The following RMST variants were observed in gnomAD, a reference collection of about 807,000 sequenced individuals.
RMST encodes the protein long intergenic non-protein coding RNA 54.
intron 13 of RMST, among the ~76,000 whole-genome samples, chr12:97,562,348 T>C (rs1339785297): frequency 4.6e-5 from 7 of 152,200 alleles, no homozygotes; most frequent in Non-Finnish European, 1.0e-4. Context: ...AGGGAAAGTG[T>C]TGAGCTGGCT....
At chr12:97,549,510 G>T (rs1353731575) in intron 11 of RMST, among the ~76,000 whole-genome samples, 9 of 152,182 alleles carry the variant, frequency 5.9e-5, no homozygotes, top group Admixed American at 5.9e-4. Flanking sequence ...GAAAGATGAG[G>T]ATTAAAGGAC....
intron 11 of RMST, among the ~76,000 whole-genome samples, chr12:97,559,775 G>C (rs12321875): frequency 0.1 from 15,269 of 152,126 alleles, 1,647 homozygotes; most frequent in African/African-American, 0.27. Context: ...GAAGTGTGGG[G>C]ATGACTGATT....
rs142666102 is a variant in RMST, at chr12:97,537,785, A to G, written n.1545+6926A>G. On this transcript the variant is annotated intron_variant and non_coding_transcript_variant, in intron 11 of 13. Transcript: ENST00000640149. ...ATGATATTCAGACAGAAATGTCTATATTACATATGATTTCTAAATTTAATT... is the reference window on the plus strand; with the variant it reads ...ATGATATTCAGACAGAAATGTCTATGTTACATATGATTTCTAAATTTAATT... Among the ~76,000 whole-genome samples, 209 of 151,628 alleles carry G rather than the reference A, an allele frequency of 1.4e-3. 3 individuals are homozygous for G. The East Asian group carries it at 0.035, about 26-fold the overall frequency.
At chr12:97,475,590 T>G (rs1023314803) in intron 5 of RMST, among the ~76,000 whole-genome samples, 1 of 148,870 alleles carries the variant, frequency 6.7e-6, no homozygotes, top group Non-Finnish European at 1.5e-5. Flanking sequence ...TTTTTTTGTT[T>G]TTTTTTTTTA....
intron 13 of RMST, among the ~76,000 whole-genome samples, chr12:97,561,403 T>A (rs1884092083): frequency 2.0e-5 from 3 of 152,130 alleles, no homozygotes; most frequent in Non-Finnish European, 2.9e-5. Context: ...TTGGGAGAAT[T>A]AGCCAACCAT....
chr12:97,505,426 T>TGCTTGG lies in RMST; in HGVS notation n.1340+9371_1340+9376dup, dbSNP rs559544005. Among the ~76,000 whole-genome samples the TGCTTGG allele has an allele frequency of 8.0e-4, 122 of 152,328 alleles. No homozygotes were observed. The East Asian group carries it at 0.021, about 27-fold the overall frequency. On this transcript the variant is annotated intron_variant and non_coding_transcript_variant, in intron 10 of 13. Transcript: ENST00000640149. ...TCTTGCATGGTAGCACACTAGCAGA[T>TGCTTGG]GCTTGGTTCTGACAACAAAGACTGA...
chr12:97,513,950 C>T (rs1378218246), intron 10 of RMST, among the ~76,000 whole-genome samples: 2 of 152,170 alleles, frequency 1.3e-5, no homozygotes, highest in South Asian at 2.1e-4. Flanking sequence ...TTACTTTGTT[C>T]CACTGTAGGA....
At chr12:97,519,643 G>T (rs1880308615) in intron 10 of RMST, among the ~76,000 whole-genome samples, 1 of 152,134 alleles carries the variant, frequency 6.6e-6, no homozygotes, top group South Asian at 2.1e-4. Context: ...TTTCTTAAAA[G>T]AAAATTGTTT....
At chr12:97,500,532 C>T (rs1877970693) in intron 10 of RMST, among the ~76,000 whole-genome samples, 1 of 152,182 alleles carries the variant, frequency 6.6e-6, no homozygotes, top group Non-Finnish European at 1.5e-5. Context: ...CAGATTTTAT[C>T]CAAGTTATTT....
chr12:97,485,624 A>T (rs1019304084), intron 5 of RMST, among the ~76,000 whole-genome samples: 8 of 152,178 alleles, frequency 5.3e-5, no homozygotes, highest in African/African-American at 1.9e-4. Context: ...TGTCACATAC[A>T]TTATTTTATT....
At chr12:97,522,262 A>C (rs988525972) in intron 10 of RMST, among the ~76,000 whole-genome samples, 1 of 152,220 alleles carries the variant, frequency 6.6e-6, no homozygotes, top group African/African-American at 2.4e-5. Context: ...CCTTGTATTC[A>C]TCAATTCTGA....
intron 11 of RMST, chr12:97,552,178 A>T (rs1343362345): frequency 6.6e-6 from 1 of 152,294 alleles, no homozygotes; most frequent in South Asian, 2.1e-4. Flanking sequence ...TAATGATACT[A>T]ATGACTGAAG....
At chr12:97,463,245 C>T (rs1277034560) in exon 4 of RMST, 1 of 152,202 alleles carries the variant, frequency 6.6e-6, no homozygotes, top group Non-Finnish European at 1.5e-5. Flanking sequence ...GAGGGGGCAC[C>T]GGAGGTGACA....
At chr12:97,512,236 C>G (rs1429305282) in intron 10 of RMST, among the ~76,000 whole-genome samples, 1 of 152,158 alleles carries the variant, frequency 6.6e-6, no homozygotes, top group African/African-American at 2.4e-5. Flanking sequence ...GTTCATGGTC[C>G]CGCTGGCTTC....
chr12:97,559,969 A>G (rs1013429336), intron 11 of RMST, among the ~76,000 whole-genome samples: 1 of 152,290 alleles, frequency 6.6e-6, no homozygotes, highest in South Asian at 2.1e-4. Context: ...AATCCTTTTT[A>G]TCTTAACTTT....
In RMST at chr12:97,521,460, C is replaced by T. The variant is rs115512619; in HGVS notation, n.1341-9195C>T. Among the ~76,000 whole-genome samples the T allele has an allele frequency of 9.0e-3, 1,363 of 152,126 alleles. 25 individuals carry two copies. Among genetic ancestry groups the T allele is most frequent in the African/African-American group, 0.031 (1,304 of 41,492 alleles). On this transcript the variant is annotated intron_variant and non_coding_transcript_variant, in intron 10 of 13. Transcript: ENST00000640149. ...TATGTATGTATGTATATATAATATA[C>T]TAATAACCATTTAGGAAATATCAGA...
intron 5 of RMST, among the ~76,000 whole-genome samples, chr12:97,490,679 A>T (rs775220717): frequency 6.6e-6 from 1 of 152,224 alleles, no homozygotes; most frequent in African/African-American, 2.4e-5. Flanking sequence ...GGGCTTTCAT[A>T]TAGAAAAAGA....
intron 13 of RMST, among the ~76,000 whole-genome samples, chr12:97,561,426 T>C (rs1884093159): frequency 6.6e-6 from 1 of 152,076 alleles, no homozygotes; most frequent in South Asian, 2.1e-4. Context: ...GGTTCTCAGA[T>C]GTGGTCCCAG....
intron 5 of RMST, among the ~76,000 whole-genome samples, chr12:97,466,170 G>A (rs1369446815): frequency 1.3e-5 from 2 of 152,044 alleles, no homozygotes; most frequent in African/African-American, 2.4e-5. Flanking sequence ...TATTGTAATC[G>A]CACTTATTCA....
Sources: gnomAD v4.1 joint callset for allele counts (sites outside exome capture counted in the v4.1 genomes callset) on GRCh38, gnomAD v4.1.1 for gene constraint, MANE v1.5 for transcripts, NCBI Gene and HGNC (gene_info 2026-07-23, HGNC 2026-07-21) for gene names.